The following ARHGEF3 variants were observed in gnomAD, a reference collection of about 807,000 sequenced individuals.
ARHGEF3 encodes 59.8 kDA protein.
A neutral mutation model predicts 63.2 loss-of-function variants in ARHGEF3; 28 were observed. The ratio of observed to expected loss-of-function variants is 0.44; its 90% CI spans 0.33 to 0.61. ARHGEF3 has a LOEUF of 0.61. Ranked by LOEUF, ARHGEF3 falls within the 20% of genes least tolerant of loss-of-function variation. The pLI is 0.03. For missense variants in ARHGEF3, 533 were observed against 659.3 expected, an observed-to-expected ratio of 0.81 and a Z score of 2.10; for synonymous variants, 266 against 254.2, an observed-to-expected ratio of 1.05 and a Z score of -0.44.
chr3:56,967,958 T>A (rs1560093164), intron 2 of ARHGEF3, among the ~76,000 whole-genome samples: 3 of 66,054 alleles, frequency 4.5e-5, no homozygotes, highest in African/African-American at 1.2e-4. Context: ...ATTATATATA[T>A]AAAATATATT....
chr3:56,992,030 G>C (rs548360028), intron 2 of ARHGEF3, among the ~76,000 whole-genome samples: 10,348 of 130,566 alleles, frequency 0.079, 527 homozygotes, highest in African/African-American at 0.19. Flanking sequence ...CTCTCTGTGT[G>C]TGTGTGTGTG....
intron 4 of ARHGEF3, among the ~76,000 whole-genome samples, chr3:56,820,134 T>C (rs1247345536): frequency 2.6e-5 from 4 of 152,206 alleles, no homozygotes; most frequent in African/African-American, 9.6e-5. Flanking sequence ...CATTTATTCC[T>C]ACATTCAACT....
At chr3:56,942,797 T>C (rs906600394) in intron 3 of ARHGEF3, among the ~76,000 whole-genome samples, 11 of 152,136 alleles carry the variant, frequency 7.2e-5, no homozygotes, top group African/African-American at 2.7e-4. Context: ...CATAAAAAGA[T>C]AAGAAAGCAA....
chr3:56,969,989 A>T (rs1440519321), intron 2 of ARHGEF3, among the ~76,000 whole-genome samples: 1 of 152,160 alleles, frequency 6.6e-6, no homozygotes, highest in African/African-American at 2.4e-5. Flanking sequence ...TCCAGAATAG[A>T]CAAATCCATA....
chr3:56,753,482 T>C, intron 4 of ARHGEF3, 22 bp downstream of exon 4: 1 of 1,609,782 alleles, frequency 6.2e-7, no homozygotes, highest in Non-Finnish European at 8.5e-7. Context: ...TTGACTCAAG[T>C]GACTGCTGGA....
intron 4 of ARHGEF3, among the ~76,000 whole-genome samples, chr3:56,872,005 A>G (rs1255599793): frequency 6.6e-6 from 1 of 152,148 alleles, no homozygotes; most frequent in African/African-American, 2.4e-5. Flanking sequence ...TCTTATTCTT[A>G]TCATATCACT....
At chr3:57,069,774 A>T (rs1370520403) in intron 1 of ARHGEF3, among the ~76,000 whole-genome samples, 1 of 152,158 alleles carries the variant, frequency 6.6e-6, no homozygotes, top group African/African-American at 2.4e-5. Context: ...CCTTCCAAGT[A>T]TGTGGGACTA....
Position 56,796,956 on chromosome 3 carries a change from GATC to G in ARHGEF3, c.96+4744_96+4746del, listed in dbSNP as rs2037399688. Among the ~76,000 whole-genome samples the G allele has an allele frequency of 3.3e-5, 5 of 152,122 alleles. No individual in the cohort carries two copies. In the South Asian group the frequency reaches 1.0e-3, roughly 32 times the overall value. ...ACAACATTCAGGAAATTAGGCTGGT[GATC>G]ATCATGTTTCTTAAAACCATTTTAA... On this transcript the variant is annotated intron_variant, in intron 1 of 9. Coordinates refer to ENST00000296315, the MANE Select transcript of ARHGEF3 (RefSeq NM_019555.3).
intron 4 of ARHGEF3, among the ~76,000 whole-genome samples, chr3:56,827,025 T>A (rs1425255571): frequency 6.6e-6 from 1 of 152,200 alleles, no homozygotes; most frequent in Non-Finnish European, 1.5e-5. Flanking sequence ...GAGAAGAAGA[T>A]GGGCCTTTCC....
intron 1 of ARHGEF3, among the ~76,000 whole-genome samples, chr3:56,788,238 T>C (rs1333462401): frequency 1.3e-5 from 2 of 152,156 alleles, no homozygotes; most frequent in African/African-American, 4.8e-5. Flanking sequence ...AGGGAGCCTA[T>C]TGGATGACCA....
At chr3:56,823,459 C>T (rs1323146322) in intron 4 of ARHGEF3, among the ~76,000 whole-genome samples, 4 of 152,112 alleles carry the variant, frequency 2.6e-5, no homozygotes, top group African/African-American at 9.7e-5. Flanking sequence ...ACCCCACAGC[C>T]CAGCCTCCTG....
At position 56,729,440 on chromosome 3, in the gene ARHGEF3, T is replaced by C; in HGVS notation, c.1411A>G (p.Thr471Ala). ...CCCTGTAGCTCTCTGCTCCCGGTGG[T>C]GGGATTTAGGAACGATCCCTCGGAG... ...LDSEGSFLNP[T>A]TGSRELQGET... Residue 471 changes from threonine to alanine, a missense_variant, in exon 10 of 10, where the codon ACC becomes GCC. Thr to Ala is a moderately conservative substitution (Grantham distance 58). Transcript: ENST00000296315. 5 of 1,614,152 alleles carry C rather than the reference T, an allele frequency of 3.1e-6. No homozygotes were observed. The highest frequency in any genetic ancestry group is 4.2e-6 in the Non-Finnish European group (5 of 1,180,022).
intron 1 of ARHGEF3, chr3:56,775,777 TACACACACACACACACGCGCAAGCACAC>T (rs1237145799): frequency 2.1e-6 from 1 of 470,316 alleles, no homozygotes. Context: ...GCGTACTGAA[TACACACACACACACACGCGCAAGCACAC>T]ACACACACAC....
Position 57,072,839 on chromosome 3 carries a change from G to T in ARHGEF3, c.-28+6387C>A, listed in dbSNP as rs75232493. On this transcript the variant is annotated intron_variant, in intron 1 of 12. Coordinates refer to the ARHGEF3 transcript ENST00000338458. ...AGGCGGGTGGATCACGAGGTCAGGA[G>T]TTCAAGACCAGCCTGGCCAAGATGG... Among the ~76,000 whole-genome samples the T allele has an allele frequency of 3.6e-4, 55 of 152,214 alleles. No individual in the cohort carries two copies. In the East Asian group the frequency reaches 9.7e-3, roughly 27 times the overall value.
At chr3:56,990,497 A>G (rs1177144311) in intron 2 of ARHGEF3, among the ~76,000 whole-genome samples, 1 of 152,184 alleles carries the variant, frequency 6.6e-6, no homozygotes, top group African/African-American at 2.4e-5. Flanking sequence ...GAGGCAGGAG[A>G]ATCACTTGAA....
At position 56,728,667 on chromosome 3, in the gene ARHGEF3, T is replaced by C. The variant is rs1398738547; in HGVS notation, c.*603A>G. 1 of 152,632 alleles carries C rather than the reference T, an allele frequency of 6.6e-6. No homozygotes were observed. The highest frequency in any genetic ancestry group is 2.4e-5 in the African/African-American group (1 of 41,468). 9.5% of individuals were successfully genotyped at this position (152,632 alleles called of 1,614,324 possible). On this transcript the variant is annotated 3_prime_UTR_variant, in exon 10 of 10. Transcript: ENST00000296315. ...ATACATTCTTGCATCAAACTTGCAC[T>C]GGATGAAGTTGCAAAGTTCAGACAA... is the stretch of plus-strand genomic sequence containing the variant.
At chr3:56,907,822 C>A (rs2041738173) in intron 3 of ARHGEF3, among the ~76,000 whole-genome samples, 1 of 152,076 alleles carries the variant, frequency 6.6e-6, no homozygotes, top group African/African-American at 2.4e-5. Context: ...ATGATGAGAA[C>A]ACATGGACAC....
At chr3:56,847,464 T>C (rs1559988693) in intron 4 of ARHGEF3, among the ~76,000 whole-genome samples, 1 of 152,214 alleles carries the variant, frequency 6.6e-6, no homozygotes, top group African/African-American at 2.4e-5. Context: ...GAGCATTTTA[T>C]CACCTCTTTC....
intron 3 of ARHGEF3, among the ~76,000 whole-genome samples, chr3:56,911,943 A>G (rs1023246861): frequency 7.9e-5 from 12 of 151,692 alleles, no homozygotes; most frequent in African/African-American, 2.9e-4. Flanking sequence ...AAAGAAAAAA[A>G]AAATTACATA....
Sources: allele counts gnomAD v4.1 joint callset (sites outside exome capture counted in the v4.1 genomes callset), GRCh38; gene constraint gnomAD v4.1.1; transcripts MANE v1.5; gene names NCBI Gene and HGNC (gene_info 2026-07-23, HGNC 2026-07-21).